The following MGAT4C variants were observed in gnomAD, a reference collection of about 807,000 sequenced individuals.
MGAT4C encodes the protein MGAT4 family member C.
In MGAT4C, 19 loss-of-function variants were observed where a neutral mutation model predicts 40.1. That is an observed-to-expected ratio of 0.47 (90% confidence interval 0.33 to 0.70). MGAT4C has a LOEUF of 0.70. MGAT4C is among the 30% of genes least tolerant of loss of function. The pLI, the probability that MGAT4C is intolerant of heterozygous loss-of-function variation, is 0.02. For missense variants in MGAT4C, 491 were observed against 563.2 expected, an observed-to-expected ratio of 0.87 and a Z score of 1.30; for synonymous variants, 181 against 187.1, an observed-to-expected ratio of 0.97 and a Z score of 0.27.
In MGAT4C at chr12:86,240,833, G is replaced by A. The variant is rs919368808; in HGVS notation, c.-57+15406C>T. 3.3e-5 allele frequency among the ~76,000 whole-genome samples: 5 copies of A among 152,034 alleles called. No homozygotes were observed. In the South Asian group the frequency reaches 6.2e-4, roughly 19 times the overall value. ...AAATAATACATGGCTGCATATCAACGTTGCCTGTTGAAATGTTTGCCTTTT... is the reference window on the plus strand; with the variant it reads ...AAATAATACATGGCTGCATATCAACATTGCCTGTTGAAATGTTTGCCTTTT... On this transcript the variant is annotated intron_variant, in intron 1 of 4. Coordinates refer to ENST00000611864, the MANE Select transcript of MGAT4C (RefSeq NM_001351288.2).
At chr12:86,386,738 G>T (rs1956059297) in intron 3 of MGAT4C, among the ~76,000 whole-genome samples, 3 of 152,114 alleles carry the variant, frequency 2.0e-5, no homozygotes, top group African/African-American at 4.8e-5. Flanking sequence ...ATGGAATAAG[G>T]TTGATAATAA....
chr12:86,349,067 C>T (rs933656053), intron 3 of MGAT4C, among the ~76,000 whole-genome samples: 8 of 152,086 alleles, frequency 5.3e-5, no homozygotes, highest in African/African-American at 1.9e-4. Context: ...ATTTAATTTT[C>T]TTGAAACTAA....
chr12:86,260,822 A>T (rs1952642728), upstream of MGAT4C, among the ~76,000 whole-genome samples: 1 of 151,956 alleles, frequency 6.6e-6, no homozygotes. Flanking sequence ...TATTTAGATC[A>T]TTATTTAGTA....
chr12:86,615,986 G>A (rs1403631481), intron 2 of MGAT4C, among the ~76,000 whole-genome samples: 1 of 151,998 alleles, frequency 6.6e-6, no homozygotes, highest in Non-Finnish European at 1.5e-5. Context: ...TTTAAGCAAG[G>A]CTCCAGTAAG....
At chr12:86,655,082 A>G (rs1963810202) in intron 2 of MGAT4C, among the ~76,000 whole-genome samples, 1 of 151,894 alleles carries the variant, frequency 6.6e-6, no homozygotes, top group Admixed American at 6.6e-5. Flanking sequence ...ACATGTGCAC[A>G]GCATGCAGGT....
At chr12:86,824,634 G>GA (rs974619764) in intron 1 of MGAT4C, among the ~76,000 whole-genome samples, 9 of 141,700 alleles carry the variant, frequency 6.4e-5, no homozygotes, top group Non-Finnish European at 1.2e-4. Flanking sequence ...TGTCCCAGAG[G>GA]AAAAAAAATG....
chr12:86,344,211 G>A (rs1009864753), intron 3 of MGAT4C, among the ~76,000 whole-genome samples: 22 of 152,152 alleles, frequency 1.4e-4, no homozygotes, highest in Admixed American at 1.2e-3. Context: ...CTTAAGAAAG[G>A]TATGGATGGA....
At chr12:86,224,517 G>A (rs1388613010) in intron 1 of MGAT4C, among the ~76,000 whole-genome samples, 2 of 152,138 alleles carry the variant, frequency 1.3e-5, no homozygotes, top group African/African-American at 4.8e-5. Context: ...TAATCAGCAC[G>A]TGTAGCATTA....
chr12:86,362,146 C>G (rs1048751528), intron 3 of MGAT4C, among the ~76,000 whole-genome samples: 1 of 152,174 alleles, frequency 6.6e-6, no homozygotes, highest in African/African-American at 2.4e-5. Flanking sequence ...CCATGGAATA[C>G]TATGCAGCCA....
intron 4 of MGAT4C, among the ~76,000 whole-genome samples, chr12:86,291,665 G>T (rs1038948607): frequency 6.6e-6 from 1 of 152,144 alleles, no homozygotes; most frequent in African/African-American, 2.4e-5. Context: ...AGAATAAATG[G>T]ATTTTTAACA....
chr12:86,546,271 G>C (rs1219092548), intron 2 of MGAT4C, among the ~76,000 whole-genome samples: 1 of 151,512 alleles, frequency 6.6e-6, no homozygotes, highest in Non-Finnish European at 1.5e-5. Flanking sequence ...ACTTTTTCTA[G>C]GATTATAAAG....
chr12:86,061,458 CAGG>C (rs1893954947), intron 1 of MGAT4C, among the ~76,000 whole-genome samples: 1 of 132,604 alleles, frequency 7.5e-6, no homozygotes, highest in Non-Finnish European at 1.6e-5. Flanking sequence ...GAGCTAACTG[CAGG>C]AGTTTTTTTT....
chr12:86,328,755 G>A (rs760282977), intron 4 of MGAT4C, among the ~76,000 whole-genome samples: 2 of 151,956 alleles, frequency 1.3e-5, no homozygotes, highest in Non-Finnish European at 2.9e-5. Context: ...TAGCTTTAAT[G>A]CATTTTTAAT....
At chr12:86,749,056 T>C (rs1364000087) in intron 1 of MGAT4C, among the ~76,000 whole-genome samples, 1 of 151,442 alleles carries the variant, frequency 6.6e-6, no homozygotes, top group Non-Finnish European at 1.5e-5. Context: ...TTACATATCG[T>C]AAACCTGCCT....
intron 1 of MGAT4C, among the ~76,000 whole-genome samples, chr12:86,161,303 A>G (rs902776035): frequency 5.9e-5 from 9 of 152,106 alleles, no homozygotes; most frequent in Admixed American, 5.2e-4. Context: ...CTGCTACCAA[A>G]CACAGACACA....
intron 2 of MGAT4C, among the ~76,000 whole-genome samples, chr12:86,678,599 TC>T (rs1466051374): frequency 1.0e-5 from 1 of 100,156 alleles, no homozygotes; most frequent in African/African-American, 3.9e-5. Flanking sequence ...CACACAACAG[TC>T]CCCAGAGTAT....
intron 1 of MGAT4C, among the ~76,000 whole-genome samples, chr12:86,832,166 G>A (rs984155348): frequency 2.0e-5 from 3 of 151,692 alleles, no homozygotes; most frequent in East Asian, 1.9e-4. Context: ...ATACTTCTTC[G>A]AAACAAAGCA....
At chr12:86,577,720 T>C (rs1001444111) in intron 2 of MGAT4C, among the ~76,000 whole-genome samples, 3 of 151,818 alleles carry the variant, frequency 2.0e-5, no homozygotes, top group Non-Finnish European at 4.4e-5. Context: ...ACTATTTTAT[T>C]GAGGATTTTT....
intron 1 of MGAT4C, among the ~76,000 whole-genome samples, chr12:86,802,655 C>A (rs1469189825): frequency 6.0e-5 from 9 of 150,530 alleles, no homozygotes; most frequent in Non-Finnish European, 1.2e-4. Flanking sequence ...GAGTGAACTC[C>A]CATTCACAAT....
Sources: allele counts gnomAD v4.1 joint callset (sites outside exome capture counted in the v4.1 genomes callset), GRCh38; gene constraint gnomAD v4.1.1; transcripts MANE v1.5; gene names NCBI Gene and HGNC (gene_info 2026-07-23, HGNC 2026-07-21).